COG6: variants seen among roughly 807,000 people sequenced by gnomAD.
The protein encoded by COG6 is component of oligomeric golgi complex 6.
In COG6, 74 loss-of-function variants were observed where a neutral mutation model predicts 88.8. The ratio of observed to expected loss-of-function variants is 0.83; its 90% CI spans 0.69 to 1.01. The LOEUF (loss-of-function observed/expected upper bound fraction) is 1.01. COG6 is among the 50% of genes least tolerant of loss of function. The pLI, the probability that COG6 is intolerant of heterozygous loss-of-function variation, is 0.00. For missense variants in COG6, 800 were observed against 797.9 expected (o/e 1.00, Z -0.03); for synonymous variants, 286 against 278.7 (o/e 1.03, Z -0.26).
At chr13:39,691,845 C>T (rs1876995823) in intron 11 of COG6, among the ~76,000 whole-genome samples, 6 of 151,866 alleles carry the variant, frequency 4.0e-5, no homozygotes. Context: ...ATTTCTTCTT[C>T]CTAATTGATA....
Position 39,687,550 on chromosome 13 carries a change from G to T in COG6, c.836G>T (p.Arg279Leu), listed in dbSNP as rs752065178. Residue 279 changes from arginine to leucine, a missense_variant, in exon 9 of 19, where the codon CGT (arginine) becomes CTT (leucine). By Grantham distance (102) the Arg-to-Leu change is moderately radical. Coordinates refer to ENST00000455146, the MANE Select transcript of COG6 (RefSeq NM_020751.3). ...ACAGCCAGAAGAAGTACAGTTGTTC[G>T]TGGATTTATTGATGCGCTCACAAGA... ...FGTARRSTVV[R>L]GFIDALTRGG... is the part of the protein sequence containing the mutation. 2.2e-5 allele frequency: 35 copies of T among 1,613,064 alleles called. No homozygotes were observed. In the South Asian group the frequency reaches 3.6e-4, roughly 17 times the overall value.
At chr13:39,695,176 G>T (rs1165733704) in intron 12 of COG6, among the ~76,000 whole-genome samples, 1 of 151,688 alleles carries the variant, frequency 6.6e-6, no homozygotes, top group Non-Finnish European at 1.5e-5. Flanking sequence ...TGAATGAAAT[G>T]TTCTATTCTG....
At chr13:39,678,331 C>T (rs1876099547) in intron 5 of COG6, among the ~76,000 whole-genome samples, 1 of 152,170 alleles carries the variant, frequency 6.6e-6, no homozygotes, top group South Asian at 2.1e-4. Flanking sequence ...ACCTCGGCCT[C>T]CCAAAGTGCT....
intron 14 of COG6, 94 bp from the exon 15 acceptor site, chr13:39,719,566 G>T: frequency 1.5e-6 from 2 of 1,296,402 alleles, no homozygotes; most frequent in South Asian, 1.2e-5. Flanking sequence ...CTATAAATTG[G>T]CTTCCTTCCA....
At chr13:39,672,725 G>A (rs911325603) in intron 4 of COG6, among the ~76,000 whole-genome samples, 1 of 151,946 alleles carries the variant, frequency 6.6e-6, no homozygotes, top group Non-Finnish European at 1.5e-5. Flanking sequence ...ACAAGTTTTT[G>A]TGTGGGCATG....
chr13:39,656,916 C>T (rs1874547130), intron 1 of COG6: 1 of 453,854 alleles, frequency 2.2e-6, no homozygotes, highest in African/African-American at 2.0e-5. Context: ...AAGAGCCTGG[C>T]ACTTACTCTT....
At chr13:39,684,608 C>T (rs1876532259) in intron 8 of COG6, among the ~76,000 whole-genome samples, 1 of 151,958 alleles carries the variant, frequency 6.6e-6, no homozygotes, top group Non-Finnish European at 1.5e-5. Context: ...TTTTTAAGAC[C>T]AGATGATTAG....
intron 3 of COG6, among the ~76,000 whole-genome samples, chr13:39,663,448 GA>G (rs1875041076): frequency 6.6e-6 from 1 of 152,102 alleles, no homozygotes; most frequent in Non-Finnish European, 1.5e-5. Flanking sequence ...GACTTGAGGG[GA>G]TACTATATTT....
At chr13:39,696,392 G>A (rs1484696952) in intron 12 of COG6, among the ~76,000 whole-genome samples, 1 of 151,846 alleles carries the variant, frequency 6.6e-6, no homozygotes, top group Non-Finnish European at 1.5e-5. Context: ...AGAAAGTATA[G>A]GCAGTGATCA....
intron 4 of COG6, among the ~76,000 whole-genome samples, chr13:39,674,778 T>C (rs1387254495): frequency 6.6e-6 from 1 of 152,202 alleles, no homozygotes; most frequent in African/African-American, 2.4e-5. Flanking sequence ...CTTTTTCTAA[T>C]GTGTGATGCT....
intron 3 of COG6, among the ~76,000 whole-genome samples, chr13:39,664,600 T>G (rs1875125994): frequency 6.6e-6 from 1 of 152,226 alleles, no homozygotes; most frequent in Non-Finnish European, 1.5e-5. Context: ...TAGATGGGGC[T>G]AGCTCTGATC....
rs200177031 is a variant in COG6, at chr13:39,677,550, C to T, written c.511C>T (p.Arg171Ter). The T allele has an allele frequency of 2.2e-5, 36 of 1,610,732 alleles. No homozygotes were observed. Among genetic ancestry groups the T allele is most frequent in the African/African-American group, 2.7e-5 (2 of 74,780 alleles). Reference protein sequence around the residue: ...QLTSDEMSLLRGTREGPITED... With the variant: ...QLTSDEMSLL ...GACTTCTGATGAAATGAGTCTTCTCCGAGGTACAAGAGAAGGACCCATTAC... is the reference window on the plus strand; with the variant it reads ...GACTTCTGATGAAATGAGTCTTCTCTGAGGTACAAGAGAAGGACCCATTAC... Residue 171 changes from arginine to a stop codon, truncating the protein, a stop_gained, in exon 5 of 19, where the codon CGA (arginine) becomes TGA (stop). Coordinates refer to ENST00000455146, the MANE Select transcript of COG6 (RefSeq NM_020751.3). LOFTEE classifies it high-confidence loss of function.
At chr13:39,665,299 A>G in intron 4 of COG6, 145 bp downstream of exon 4, 1 of 610,494 alleles carries the variant, frequency 1.6e-6, no homozygotes, top group Non-Finnish European at 2.9e-6. Flanking sequence ...ACCCAATAGT[A>G]ACTTAAGCAT....
chr13:39,746,529 G>A (rs534307113), intron 18 of COG6, among the ~76,000 whole-genome samples: 1 of 152,268 alleles, frequency 6.6e-6, no homozygotes, highest in South Asian at 2.1e-4. Context: ...ACTGAACTGA[G>A]ATGATTTGTT....
chr13:39,744,770 C>T (rs745353098), intron 18 of COG6, among the ~76,000 whole-genome samples: 15 of 152,052 alleles, frequency 9.9e-5, no homozygotes, highest in Non-Finnish European at 5.9e-5. Flanking sequence ...TCATATGGAA[C>T]CAAAAAAGAG....
At chr13:39,773,104 T>C (rs533581872) in intron 18 of COG6, among the ~76,000 whole-genome samples, 1 of 152,314 alleles carries the variant, frequency 6.6e-6, no homozygotes, top group Non-Finnish European at 1.5e-5. Context: ...AAGCCATTTC[T>C]ATCCACCCCC....
At chr13:39,706,158 A>G (rs1201631814) in intron 13 of COG6, among the ~76,000 whole-genome samples, 1 of 145,766 alleles carries the variant, frequency 6.9e-6, no homozygotes, top group Non-Finnish European at 1.5e-5. Context: ...AGCAAAAGGA[A>G]TGTATATATT....
At chr13:39,743,619 A>G (rs984153238) in intron 18 of COG6, among the ~76,000 whole-genome samples, 2 of 152,148 alleles carry the variant, frequency 1.3e-5, no homozygotes, top group Non-Finnish European at 2.9e-5. Flanking sequence ...TTAATAGCCT[A>G]CCAACCAAAA....
intron 18 of COG6, among the ~76,000 whole-genome samples, chr13:39,760,557 C>A (rs1033582638): frequency 1.3e-5 from 2 of 152,088 alleles, no homozygotes; most frequent in East Asian, 3.8e-4. Context: ...AAAATAATTT[C>A]TCCACTGAAC....
Sources: allele counts gnomAD v4.1 joint callset (sites outside exome capture counted in the v4.1 genomes callset), GRCh38; gene constraint gnomAD v4.1.1; transcripts MANE v1.5; gene names NCBI Gene and HGNC (gene_info 2026-07-23, HGNC 2026-07-21).